The following CACNA1C variants were observed in gnomAD, a reference collection of about 807,000 sequenced individuals.
CACNA1C encodes the protein calcium voltage-gated channel subunit alpha1 C.
In CACNA1C, 30 loss-of-function variants were observed where a neutral mutation model predicts 229.0. That is an observed-to-expected ratio of 0.13 (90% CI 0.10 to 0.18). The LOEUF is 0.18. CACNA1C is among the 10% of genes least tolerant of loss of function. CACNA1C has a pLI of 1.00. For missense variants in CACNA1C, 1,658 were observed against 2,845.0 expected (o/e 0.58, Z 9.49); for synonymous variants, 1,114 against 1,132.5 (o/e 0.98, Z 0.33).
In CACNA1C at chr12:2,410,755, AG is replaced by A. The variant is rs1193846807; in HGVS notation, c.478-38219del. On this transcript the variant is annotated intron_variant, in intron 3 of 46. Transcript: ENST00000399655. This position sits in a 1 kb window ranked among gnomAD's most constrained non-coding sequence, Gnocchi z 5.3. The stretch of plus-strand genomic sequence containing the variant: ...GTGTGTGCATGCGTGTGTGTATTCC[AG>A]GAGCTGACTCTAGTTGTCAGGATGG... Among the ~76,000 whole-genome samples, 1 of 148,282 alleles carries A rather than the reference AG, an allele frequency of 6.7e-6. No homozygotes were observed. The highest frequency in any genetic ancestry group is 2.5e-5 in the African/African-American group (1 of 39,592).
chr12:2,593,938 T>TA (rs1481480105), intron 19 of CACNA1C, among the ~76,000 whole-genome samples: 2 of 152,248 alleles, frequency 1.3e-5, no homozygotes, highest in African/African-American at 4.8e-5. Flanking sequence ...AGTGGGCCTC[T>TA]ACTTACCTAT....
chr12:2,685,444 G>A (rs540967381), intron 43 of CACNA1C, among the ~76,000 whole-genome samples: 2 of 151,498 alleles, frequency 1.3e-5, no homozygotes, highest in Non-Finnish European at 2.9e-5. Flanking sequence ...GATTCTTTCC[G>A]CTTTCTCAAC....
At chr12:2,167,962 A>G (rs895464342) in intron 3 of CACNA1C, among the ~76,000 whole-genome samples, 2 of 152,136 alleles carry the variant, frequency 1.3e-5, no homozygotes, top group African/African-American at 2.4e-5. Context: ...AGTAATAGTT[A>G]TGTTCAGATG....
chr12:2,146,153 C>T (rs542540076), intron 3 of CACNA1C, among the ~76,000 whole-genome samples: 4 of 151,052 alleles, frequency 2.6e-5, no homozygotes, highest in Non-Finnish European at 5.9e-5. Context: ...TTCCCTGTCA[C>T]GTTTAGATTG....
chr12:2,561,322 G>A (rs1371693303), intron 11 of CACNA1C, among the ~76,000 whole-genome samples: 1 of 152,144 alleles, frequency 6.6e-6, no homozygotes, highest in Non-Finnish European at 1.5e-5. Flanking sequence ...GTGCTCCCTG[G>A]TGGACCCGCC....
chr12:2,019,618 AAAAG>A (rs141358059), intron 1 of CACNA1C, among the ~76,000 whole-genome samples: 91,972 of 150,808 alleles, frequency 0.61, 28,340 homozygotes, highest in East Asian at 0.78. Flanking sequence ...AGAAGAAAGA[AAAAG>A]AAAGAAAGAA....
At position 2,493,591 on chromosome 12, in the gene CACNA1C, C is replaced by G. The variant is rs926058405; in HGVS notation, c.1113+205C>G. ...TTTCACCCTAACGAGTCCCCTCCCC[C>G]ACCCGCCAGCCTTAGGGGAAGGTCA... is the stretch of plus-strand genomic sequence containing the variant. On this transcript the variant is annotated intron_variant, in intron 7 of 46. Coordinates refer to ENST00000399655, the MANE Select transcript of CACNA1C (RefSeq NM_000719.7). The surrounding 1 kb of genome is among the most constrained non-coding windows in gnomAD (Gnocchi z 4.6). Among the ~76,000 whole-genome samples the G allele has an allele frequency of 2.6e-5, 4 of 152,202 alleles. No homozygotes were observed. Among genetic ancestry groups the G allele is most frequent in the Non-Finnish European group, 5.9e-5 (4 of 68,042 alleles).
Position 2,585,803 on chromosome 12 carries a change from A to G in CACNA1C, c.2461-32A>G, listed in dbSNP as rs1428843933. The G allele has an allele frequency of 6.6e-7, 1 of 1,525,516 alleles. No individual in the cohort carries two copies. Among genetic ancestry groups the G allele is most frequent in the Non-Finnish European group, 9.0e-7 (1 of 1,107,188 alleles). 94.5% of individuals were successfully genotyped at this position (1,525,516 alleles called of 1,614,324 possible). A position where few individuals can be genotyped will look rare whatever the true frequency, so the allele number is the denominator to read the frequency against. Reference sequence around the variant, plus strand: ...TCTTAACTTGGGGACGTATCTAACTATTCTTCCCCCTTCTCCCCTGTGACT... The same window carrying G: ...TCTTAACTTGGGGACGTATCTAACTGTTCTTCCCCCTTCTCCCCTGTGACT... On this transcript the variant is annotated intron_variant, in intron 17 of 46. Transcript: ENST00000399655. The surrounding 1 kb of genome is among the most constrained non-coding windows in gnomAD (Gnocchi z 4.1).
chr12:2,135,629 G>A (rs1483303098), intron 3 of CACNA1C, among the ~76,000 whole-genome samples: 4 of 140,620 alleles, frequency 2.8e-5, no homozygotes, highest in East Asian at 2.0e-4. Context: ...AGGGGTCAGG[G>A]GTCAGGGACC....
chr12:2,595,879 G>A lies in CACNA1C; in HGVS notation c.2669G>A (p.Arg890His). 1 of 1,613,044 alleles carries A rather than the reference G, an allele frequency of 6.2e-7. No homozygotes were observed. Among genetic ancestry groups the A allele is most frequent in the Non-Finnish European group, 8.5e-7 (1 of 1,179,610 alleles). The change falls in exon 20 of 47, where the codon CGC becomes CAC. Residue 890 changes from arginine to histidine, a missense_variant. Physicochemically the swap from Arg to His is conservative, Grantham distance 29 (BLOSUM62 0). This residue lies in a region of CACNA1C where 52 missense variants were observed against 99.0 expected (regional missense o/e 0.53). Coordinates refer to ENST00000399655, the MANE Select transcript of CACNA1C (RefSeq NM_000719.7). The surrounding 1 kb of genome is among the most constrained non-coding windows in gnomAD (Gnocchi z 4.1). ...FFIFSSNNRFRLQCHRIVNDT... is the reference protein window; with the variant it reads ...FFIFSSNNRFHLQCHRIVNDT... ...CTGTCCCCTCTCCCGTACAGGTTTC[G>A]CCTCCAGTGCCACCGCATTGTCAAT...
At chr12:2,245,625 A>G (rs971565736) in intron 3 of CACNA1C, among the ~76,000 whole-genome samples, 2 of 152,220 alleles carry the variant, frequency 1.3e-5, no homozygotes, top group South Asian at 2.1e-4. Context: ...GTACAGATCC[A>G]TAGCCATTTC....
chr12:2,255,832 TACTA>T (rs2077323367), intron 3 of CACNA1C, among the ~76,000 whole-genome samples: 1 of 23,614 alleles, frequency 4.2e-5, no homozygotes, highest in Admixed American at 3.8e-4. Context: ...ATCCTGACCT[TACTA>T]GTTTACAATC....
intron 3 of CACNA1C, among the ~76,000 whole-genome samples, chr12:2,353,109 C>G (rs895053451): frequency 2.6e-5 from 4 of 152,252 alleles, no homozygotes; most frequent in African/African-American, 4.8e-5. Flanking sequence ...GAATTGGCAC[C>G]GAAGCAGGTC....
intron 4 of CACNA1C, among the ~76,000 whole-genome samples, chr12:2,454,060 C>T (rs2099401153): frequency 6.6e-6 from 1 of 152,168 alleles, no homozygotes. Context: ...TCCACTGCAC[C>T]CCCACCTCCC....
chr12:2,401,900 G>T (rs1200539688), intron 3 of CACNA1C, among the ~76,000 whole-genome samples: 1 of 152,230 alleles, frequency 6.6e-6, no homozygotes, highest in East Asian at 1.9e-4. Flanking sequence ...AAGGAAGGGA[G>T]TAAAGTGTCA....
At chr12:2,111,585 G>T (rs545860067) in intron 1 of CACNA1C, among the ~76,000 whole-genome samples, 27 of 152,162 alleles carry the variant, frequency 1.8e-4, no homozygotes, top group African/African-American at 5.8e-4. Flanking sequence ...GTGAGCTGTG[G>T]AGGGCTTACC....
chr12:2,382,932 A>T (rs1031371475), intron 3 of CACNA1C, among the ~76,000 whole-genome samples: 12 of 152,206 alleles, frequency 7.9e-5, no homozygotes, highest in Admixed American at 7.2e-4. Context: ...AGTCACTGGG[A>T]TCAGAGCTGG....
intron 9 of CACNA1C, among the ~76,000 whole-genome samples, chr12:2,542,537 G>T (rs1599464553): frequency 6.6e-6 from 1 of 152,176 alleles, no homozygotes; most frequent in African/African-American, 2.4e-5. Flanking sequence ...GTTTAATGGA[G>T]GATTCCCAAA....
chr12:2,331,514 C>T (rs2096547794), intron 3 of CACNA1C, among the ~76,000 whole-genome samples: 1 of 152,246 alleles, frequency 6.6e-6, no homozygotes. Flanking sequence ...CATCCAAGAG[C>T]TTCCTACTGC....
Sources: allele counts gnomAD v4.1 joint callset (sites outside exome capture counted in the v4.1 genomes callset), GRCh38; gene constraint gnomAD v4.1.1; regional missense constraint gnomAD v4.1.1; non-coding constraint Gnocchi (gnomAD v3.1); transcripts MANE v1.5; gene names NCBI Gene and HGNC (gene_info 2026-07-23, HGNC 2026-07-21).